BRCA1: variants seen among roughly 807,000 people sequenced by gnomAD.
The protein encoded by BRCA1 is BRCA1 DNA repair associated.
In BRCA1, 140 loss-of-function variants were observed where a neutral mutation model predicts 173.7. The ratio of observed to expected loss-of-function variants is 0.81; its 90% CI spans 0.70 to 0.93. BRCA1 has a LOEUF of 0.93. Among genes scored for constraint, BRCA1 ranks in the 40% least tolerant of loss-of-function variants. BRCA1 has a pLI of 0.00. For synonymous variants in BRCA1, 662 were observed against 756.0 expected, an observed-to-expected ratio of 0.88 and a Z score of 2.04; for missense variants, 1,983 against 2,172.5, an observed-to-expected ratio of 0.91 and a Z score of 1.73.
At chr17:43,078,896 C>A (rs2052864222) in intron 12 of BRCA1, among the ~76,000 whole-genome samples, 1 of 151,986 alleles carries the variant, frequency 6.6e-6, no homozygotes, top group African/African-American at 2.4e-5. Context: ...CGGAATTAAC[C>A]ATTGGAAAGA....
At chr17:43,094,920 T>A (rs2054071313) in intron 9 of BRCA1, 60 bp from the exon 10 acceptor site, 1 of 1,457,040 alleles carries the variant, frequency 6.9e-7, no homozygotes, top group Non-Finnish European at 9.4e-7. Flanking sequence ...AAAAAATACA[T>A]ACTTCATACA....
chr17:43,096,421 A>G (rs900540159), intron 8 of BRCA1, among the ~76,000 whole-genome samples: 2 of 150,740 alleles, frequency 1.3e-5, no homozygotes, highest in African/African-American at 4.9e-5. Flanking sequence ...TGGAATGGTC[A>G]ATTAACCGGG....
At chr17:43,067,193 T>C in intron 16 of BRCA1, 1 of 178,622 alleles carries the variant, frequency 5.6e-6, no homozygotes, top group Non-Finnish European at 1.2e-5. Flanking sequence ...CATAAAGTAA[T>C]TGATTGACTA....
At chr17:43,118,554 T>G (rs1180674645) in intron 2 of BRCA1, among the ~76,000 whole-genome samples, 1 of 152,054 alleles carries the variant, frequency 6.6e-6, no homozygotes, top group Non-Finnish European at 1.5e-5. Flanking sequence ...CCCAAAGTAC[T>G]GGGATTACAG....
In BRCA1 at chr17:43,093,831, T is replaced by A. The variant is rs2053898401; in HGVS notation, c.1700A>T (p.Asn567Ile). 6.2e-7 allele frequency: 1 copy of A among 1,613,448 alleles called. No homozygotes were observed. The highest frequency in any genetic ancestry group is 8.5e-7 in the Non-Finnish European group (1 of 1,179,904). The change falls in exon 10 of 23, where the codon AAT becomes ATT. Residue 567 changes from asparagine to isoleucine, a missense_variant. Coordinates refer to ENST00000357654, the MANE Select transcript of BRCA1 (RefSeq NM_007294.4). ...TTCGAGTGATTCTATTGGGTTAGGA[T>A]TTTTCTCATTCTGAATAGAATCACC... Reference protein sequence around the residue: ...TKGDSIQNEKNPNPIESLEKE... With the variant: ...TKGDSIQNEKIPNPIESLEKE...
chr17:43,063,685 A>AT lies in BRCA1; in HGVS notation c.5152+188dup, dbSNP rs542231412. Among the ~76,000 whole-genome samples the AT allele has an allele frequency of 1.9e-3, 287 of 152,328 alleles. No homozygotes were observed. The highest frequency in any genetic ancestry group is 6.6e-3 in the African/African-American group (275 of 41,572). On this transcript the variant is annotated intron_variant, in intron 17 of 22. Coordinates refer to ENST00000357654, the MANE Select transcript of BRCA1 (RefSeq NM_007294.4). Reference sequence around the variant, plus strand: ...GTCCTATTAGTTATAAAAGAGACCCATTTTCCCAGCATCACCAGCTTATCT... The same window carrying AT: ...GTCCTATTAGTTATAAAAGAGACCCATTTTTCCCAGCATCACCAGCTTATCT...
chr17:43,118,367 T>C (rs2055391069), intron 2 of BRCA1, among the ~76,000 whole-genome samples: 1 of 152,110 alleles, frequency 6.6e-6, no homozygotes, highest in Non-Finnish European at 1.5e-5. Context: ...AGCTTTATTC[T>C]GGTCTTTTTA....
At chr17:43,161,695 A>G (rs2056236738) in intron 1 of BRCA1, 2 of 152,128 alleles carry the variant, frequency 1.3e-5, no homozygotes, top group African/African-American at 2.4e-5. Flanking sequence ...CTCTTGCTAT[A>G]TAGTATTGTC....
At chr17:43,072,107 G>A (rs998569200) in intron 14 of BRCA1, among the ~76,000 whole-genome samples, 2 of 151,916 alleles carry the variant, frequency 1.3e-5, no homozygotes, top group African/African-American at 4.8e-5. Flanking sequence ...AAGAGTACAG[G>A]CCGGGTGCGG....
At position 43,088,797 on chromosome 17, in the gene BRCA1, T is replaced by G. The variant is rs554343538; in HGVS notation, c.4185+2147A>C. On this transcript the variant is annotated intron_variant, in intron 11 of 22. Coordinates refer to ENST00000357654, the MANE Select transcript of BRCA1 (RefSeq NM_007294.4). ...GGCAGGTCAGAGAACATAAGCAAACTGTCTAAGATCACATAGCCCAGTACA... is the reference window on the plus strand; with the variant it reads ...GGCAGGTCAGAGAACATAAGCAAACGGTCTAAGATCACATAGCCCAGTACA... Among the ~76,000 whole-genome samples the G allele has an allele frequency of 2.2e-4, 34 of 152,302 alleles. No homozygotes were observed. The South Asian group carries it at 6.8e-3, about 31-fold the overall frequency.
In BRCA1 at chr17:43,084,883, C is replaced by T. The variant is rs552636154; in HGVS notation, c.4186-2308G>A. Among the ~76,000 whole-genome samples the T allele has an allele frequency of 1.1e-4, 17 of 152,304 alleles. No homozygotes were observed. Among genetic ancestry groups the T allele is most frequent in the Middle Eastern group, 3.4e-3 (1 of 294 alleles). ...GCTTCACAGGCTGTATTAGTCACTA[C>T]TGTCACAACCATCACATCTAACCTC... is the stretch of plus-strand genomic sequence containing the variant. On this transcript the variant is annotated intron_variant, in intron 11 of 22. Coordinates refer to ENST00000357654, the MANE Select transcript of BRCA1 (RefSeq NM_007294.4).
chr17:43,121,975 T>C (rs1273052526), intron 2 of BRCA1, among the ~76,000 whole-genome samples: 4 of 152,202 alleles, frequency 2.6e-5, no homozygotes, highest in Admixed American at 1.3e-4. Flanking sequence ...GTTTTGTGCT[T>C]TTTCAAAAGC....
chr17:43,084,241 A>T (rs1011177720), intron 11 of BRCA1, among the ~76,000 whole-genome samples: 1 of 152,194 alleles, frequency 6.6e-6, no homozygotes, highest in Non-Finnish European at 1.5e-5. Flanking sequence ...CGTGTTAGCC[A>T]GGATGGTCTG....
chr17:43,070,791 G>A (rs943950834), intron 15 of BRCA1, 137 bp downstream of exon 15: 19 of 1,028,070 alleles, frequency 1.8e-5, no homozygotes, highest in South Asian at 4.5e-5. Context: ...ATTAGTAATC[G>A]AAATTAAATT....
chr17:43,130,514 A>G (rs1032745524), intron 1 of BRCA1, among the ~76,000 whole-genome samples: 1 of 152,002 alleles, frequency 6.6e-6, no homozygotes, highest in African/African-American at 2.4e-5. Context: ...AAGTTTCACC[A>G]TGTTGGCTAG....
chr17:43,160,455 G>C (rs1286122814), intron 1 of BRCA1: 1 of 152,128 alleles, frequency 6.6e-6, no homozygotes, highest in African/African-American at 2.4e-5. Context: ...AGGTACGTGG[G>C]TACGTGACTG....
chr17:43,135,626 A>G (rs1299459710), intron 1 of BRCA1, among the ~76,000 whole-genome samples: 3 of 152,100 alleles, frequency 2.0e-5, no homozygotes, highest in African/African-American at 7.2e-5. Context: ...CAGCCTCGTG[A>G]GCCCGAACAG....
chr17:43,141,459 A>C (rs1333997247), intron 1 of BRCA1, among the ~76,000 whole-genome samples: 1 of 151,834 alleles, frequency 6.6e-6, no homozygotes, highest in Non-Finnish European at 1.5e-5. Context: ...TGACACATCA[A>C]GACCCTGTCT....
chr17:43,138,402 G>A (rs73983789), intron 1 of BRCA1: 7,664 of 549,632 alleles, frequency 0.014, 435 homozygotes, highest in African/African-American at 0.13. Context: ...GGGCATGGTT[G>A]TGTGTCACCT....
Sources: gnomAD v4.1 joint callset for allele counts (sites outside exome capture counted in the v4.1 genomes callset) on GRCh38, gnomAD v4.1.1 for gene constraint, MANE v1.5 for transcripts, NCBI Gene and HGNC (gene_info 2026-07-23, HGNC 2026-07-21) for gene names.